The following BMPER variants were observed in gnomAD, a reference collection of about 807,000 sequenced individuals.
The protein encoded by BMPER is BMP-binding endothelial regulator protein.
Under a neutral mutation model 87.3 loss-of-function variants are expected in BMPER, and 45 were observed. That is an observed-to-expected ratio of 0.52 (90% CI 0.41 to 0.66). The LOEUF is 0.66. Among genes scored for constraint, BMPER ranks in the 30% least tolerant of loss-of-function variants. BMPER has a pLI of 0.00. For synonymous variants in BMPER, 326 were observed against 316.2 expected (o/e 1.03, Z -0.33); for missense variants, 784 against 867.5 (o/e 0.90, Z 1.21).
At chr7:34,065,069 A>C (rs2127966759) in intron 11 of BMPER, among the ~76,000 whole-genome samples, 1 of 152,332 alleles carries the variant, frequency 6.6e-6, no homozygotes, top group African/African-American at 2.4e-5. Flanking sequence ...ACAGATTTCT[A>C]GAGTAGAGAA....
chr7:33,920,044 G>T (rs923453438), intron 2 of BMPER, among the ~76,000 whole-genome samples: 1 of 152,154 alleles, frequency 6.6e-6, no homozygotes, highest in Non-Finnish European at 1.5e-5. Context: ...ATGAATGTGT[G>T]ATGAAACTAA....
chr7:34,029,415 A>G (rs1296366723), intron 6 of BMPER, among the ~76,000 whole-genome samples: 2 of 152,118 alleles, frequency 1.3e-5, no homozygotes, highest in East Asian at 1.9e-4. Context: ...TCAGAAGAGC[A>G]TGGCCCACAT....
intron 14 of BMPER, among the ~76,000 whole-genome samples, chr7:34,146,050 C>T (rs1427612133): frequency 1.3e-5 from 2 of 152,180 alleles, no homozygotes; most frequent in South Asian, 2.1e-4. Flanking sequence ...TACACACACA[C>T]ACATACACAC....
intron 13 of BMPER, among the ~76,000 whole-genome samples, chr7:34,112,496 G>GA (rs35506917): frequency 0.013 from 251 of 18,794 alleles, 3 homozygotes; most frequent in Non-Finnish European, 0.022. Flanking sequence ...CTCCGTCTCA[G>GA]AAAAAAAAAA....
chr7:34,106,466 G>A (rs535055413), intron 13 of BMPER, among the ~76,000 whole-genome samples: 1 of 152,312 alleles, frequency 6.6e-6, no homozygotes, highest in Admixed American at 6.5e-5. Flanking sequence ...GAGGCATGGT[G>A]CCCTGCATGT....
intron 13 of BMPER, among the ~76,000 whole-genome samples, chr7:34,132,590 T>C (rs1237098638): frequency 1.3e-5 from 2 of 152,206 alleles, no homozygotes; most frequent in Non-Finnish European, 2.9e-5. Context: ...TATGTATCTA[T>C]GTTGGGAGTA....
At chr7:33,938,103 G>A (rs531872061) in intron 3 of BMPER, among the ~76,000 whole-genome samples, 1 of 152,248 alleles carries the variant, frequency 6.6e-6, no homozygotes, top group East Asian at 1.9e-4. Flanking sequence ...GGATACCGCA[G>A]TGGTGTGATT....
chr7:33,919,707 A>G (rs1040602258), intron 2 of BMPER, among the ~76,000 whole-genome samples: 8 of 152,338 alleles, frequency 5.3e-5, no homozygotes, highest in African/African-American at 1.7e-4. Context: ...AGGCACTGCA[A>G]GACAGGAGCA....
rs1157888601 is a variant in BMPER, at chr7:34,154,233, C to G, written c.*960C>G. 1 of 152,456 alleles carries G rather than the reference C, an allele frequency of 6.6e-6. No homozygotes were observed. Among genetic ancestry groups the G allele is most frequent in the Admixed American group, 6.5e-5 (1 of 15,268 alleles). 9.4% of individuals were successfully genotyped at this position (152,456 alleles called of 1,614,324 possible). ...TTAGTTATTTCTAGAGGAGTCCCATCCAACACTATTTGGCGACTGTTAATA... is the reference window on the plus strand; with the variant it reads ...TTAGTTATTTCTAGAGGAGTCCCATGCAACACTATTTGGCGACTGTTAATA... On this transcript the variant is annotated 3_prime_UTR_variant, in exon 15 of 15. Transcript: ENST00000649409.
intron 3 of BMPER, 184 bp downstream of exon 3, chr7:33,937,572 C>A: frequency 1.6e-6 from 1 of 611,618 alleles, no homozygotes; most frequent in South Asian, 1.9e-5. Flanking sequence ...GTATCTGGGG[C>A]TGGAAGGAAG....
intron 2 of BMPER, among the ~76,000 whole-genome samples, chr7:33,909,418 C>T (rs1783899552): frequency 6.6e-6 from 1 of 151,960 alleles, no homozygotes; most frequent in Non-Finnish European, 1.5e-5. Context: ...TTTGTTTTTT[C>T]TTTTGAGTCT....
At chr7:34,028,415 A>G (rs1787416244) in intron 6 of BMPER, among the ~76,000 whole-genome samples, 1 of 151,910 alleles carries the variant, frequency 6.6e-6, no homozygotes, top group South Asian at 2.1e-4. Context: ...GTAAACATCA[A>G]TCTGTAGATA....
intron 3 of BMPER, among the ~76,000 whole-genome samples, chr7:33,957,633 G>A (rs1785180247): frequency 6.6e-6 from 1 of 152,090 alleles, no homozygotes; most frequent in Admixed American, 6.6e-5. Flanking sequence ...AATAAGCTTT[G>A]TAGATTGCAC....
chr7:34,144,167 G>A (rs1435594781), intron 14 of BMPER, among the ~76,000 whole-genome samples: 1 of 152,092 alleles, frequency 6.6e-6, no homozygotes, highest in Non-Finnish European at 1.5e-5. Flanking sequence ...TGAAGGGAGT[G>A]AGGGCAAGCA....
intron 13 of BMPER, among the ~76,000 whole-genome samples, chr7:34,091,014 C>T (rs1789365007): frequency 6.6e-6 from 1 of 152,154 alleles, no homozygotes; most frequent in Non-Finnish European, 1.5e-5. Flanking sequence ...ACAGATGTGT[C>T]CTTTCCTGTT....
At chr7:34,024,401 ATATATATATATATATATATATATATAT>A (rs528961694) in intron 6 of BMPER, among the ~76,000 whole-genome samples, 1 of 29,646 alleles carries the variant, frequency 3.4e-5, no homozygotes, top group Non-Finnish European at 6.1e-5. Context: ...ATATATATAT[ATATATATATATATATATATATATATAT>A]ATATATGTTG....
intron 13 of BMPER, among the ~76,000 whole-genome samples, chr7:34,141,844 TGTGG>T (rs1470445887): frequency 1.3e-5 from 2 of 152,190 alleles, no homozygotes; most frequent in African/African-American, 4.8e-5. Context: ...GTGGGTTCAC[TGTGG>T]GTCTGTTGCT....
chr7:33,996,656 A>G (rs1024130882), intron 6 of BMPER, among the ~76,000 whole-genome samples: 1 of 152,210 alleles, frequency 6.6e-6, no homozygotes, highest in Non-Finnish European at 1.5e-5. Context: ...TGGTAGAAAT[A>G]TGGTGTGAGC....
At chr7:33,953,203 A>G (rs1487991377) in intron 3 of BMPER, among the ~76,000 whole-genome samples, 2 of 152,234 alleles carry the variant, frequency 1.3e-5, no homozygotes, top group African/African-American at 4.8e-5. Context: ...CAAGGCAAAC[A>G]TCTTCAAACC....
Sources: allele counts gnomAD v4.1 joint callset (sites outside exome capture counted in the v4.1 genomes callset), GRCh38; gene constraint gnomAD v4.1.1; transcripts MANE v1.5; gene names NCBI Gene and HGNC (gene_info 2026-07-23, HGNC 2026-07-21).